The following GALNTL6 variants were observed in gnomAD, a reference collection of about 807,000 sequenced individuals.
GALNTL6 encodes the protein polypeptide N-acetylgalactosaminyltransferase-like 6.
In GALNTL6, 46 loss-of-function variants were observed where a neutral mutation model predicts 73.7. The ratio of observed to expected loss-of-function variants is 0.62; its 90% CI spans 0.49 to 0.80. GALNTL6 has a LOEUF of 0.80. Ranked by LOEUF, GALNTL6 falls within the 30% of genes least tolerant of loss-of-function variation. GALNTL6 has a pLI of 0.00. For missense variants in GALNTL6, 604 were observed against 755.0 expected, an observed-to-expected ratio of 0.80 and a Z score of 2.34; for synonymous variants, 259 against 263.7, an observed-to-expected ratio of 0.98 and a Z score of 0.17.
chr4:172,454,736 G>A (rs1019004310), intron 5 of GALNTL6, among the ~76,000 whole-genome samples: 1 of 152,202 alleles, frequency 6.6e-6, no homozygotes, highest in South Asian at 2.1e-4. Context: ...ACATCAACCT[G>A]GATGCTCAGG....
At chr4:172,710,749 A>G (rs1392966574) in intron 5 of GALNTL6, among the ~76,000 whole-genome samples, 2 of 152,170 alleles carry the variant, frequency 1.3e-5, no homozygotes, top group Admixed American at 1.3e-4. Flanking sequence ...TAAAATTATT[A>G]AATCGATAAT....
intron 11 of GALNTL6, among the ~76,000 whole-genome samples, chr4:173,009,971 C>A (rs1469912019): frequency 2.6e-5 from 4 of 152,160 alleles, no homozygotes; most frequent in African/African-American, 7.2e-5. Flanking sequence ...TGGTGTCCAT[C>A]CCCTCAAGCA....
chr4:172,325,650 T>C (rs1038326508), intron 4 of GALNTL6, among the ~76,000 whole-genome samples: 3 of 151,918 alleles, frequency 2.0e-5, no homozygotes, highest in East Asian at 1.9e-4. Flanking sequence ...AAATAATCTA[T>C]ATGGTAATAT....
chr4:171,830,346 A>T (rs1305437519), intron 2 of GALNTL6, among the ~76,000 whole-genome samples: 1 of 152,160 alleles, frequency 6.6e-6, no homozygotes, highest in Non-Finnish European at 1.5e-5. Context: ...AAGCTCATAC[A>T]ATCAGGAATT....
chr4:172,934,837 T>C (rs1013386726), intron 9 of GALNTL6, among the ~76,000 whole-genome samples: 16 of 152,236 alleles, frequency 1.1e-4, no homozygotes, highest in African/African-American at 3.1e-4. Flanking sequence ...CCAAGGAGGC[T>C]GAGTGGCAAA....
chr4:172,911,437 G>A (rs1022763150), intron 8 of GALNTL6, among the ~76,000 whole-genome samples: 12 of 152,186 alleles, frequency 7.9e-5, no homozygotes, highest in African/African-American at 2.7e-4. Flanking sequence ...AAGTCAAAGT[G>A]TAGTTGCATT....
intron 2 of GALNTL6, among the ~76,000 whole-genome samples, chr4:172,007,695 T>C (rs1740880319): frequency 2.0e-5 from 3 of 152,256 alleles, no homozygotes; most frequent in African/African-American, 7.2e-5. Context: ...CAGAGAAACA[T>C]CAACCTTATA....
intron 5 of GALNTL6, among the ~76,000 whole-genome samples, chr4:172,724,883 G>A (rs1018339118): frequency 2.0e-5 from 3 of 152,152 alleles, no homozygotes; most frequent in Non-Finnish European, 4.4e-5. Flanking sequence ...GCACCAAGAA[G>A]AAGAGCAAGA....
chr4:172,134,799 C>G (rs1196000598), intron 2 of GALNTL6, among the ~76,000 whole-genome samples: 3 of 152,124 alleles, frequency 2.0e-5, no homozygotes, highest in Non-Finnish European at 4.4e-5. Context: ...CAGAGATGGT[C>G]CTACCCAAAG....
At chr4:172,793,188 G>C (rs1236082869) in intron 5 of GALNTL6, among the ~76,000 whole-genome samples, 2 of 152,020 alleles carry the variant, frequency 1.3e-5, no homozygotes, top group African/African-American at 2.4e-5. Context: ...ACTTTGCTTG[G>C]TTTCAGTTTT....
intron 7 of GALNTL6, among the ~76,000 whole-genome samples, chr4:172,856,686 C>T (rs1183933252): frequency 2.6e-5 from 4 of 152,200 alleles, no homozygotes; most frequent in Non-Finnish European, 5.9e-5. Flanking sequence ...TAAAAGCAGG[C>T]AGGACAAGGG....
chr4:172,654,623 G>T (rs1435764706), intron 5 of GALNTL6, among the ~76,000 whole-genome samples: 6 of 152,100 alleles, frequency 3.9e-5, no homozygotes, highest in Non-Finnish European at 8.8e-5. Context: ...AAATATTCTG[G>T]TCTGCAGGCT....
At chr4:171,881,141 T>C (rs924016178) in intron 2 of GALNTL6, among the ~76,000 whole-genome samples, 12 of 152,176 alleles carry the variant, frequency 7.9e-5, no homozygotes, top group Non-Finnish European at 1.3e-4. Flanking sequence ...CCAAAGAGCC[T>C]GTAGAGATTT....
chr4:172,621,547 G>A (rs906309288), intron 5 of GALNTL6, among the ~76,000 whole-genome samples: 1 of 152,046 alleles, frequency 6.6e-6, no homozygotes, highest in Non-Finnish European at 1.5e-5. Context: ...TCAGTTTATG[G>A]CTAAAATATT....
In GALNTL6 at chr4:172,947,783, C is replaced by T. The variant is rs1195069623; in HGVS notation, c.1150-4254C>T. 3.9e-5 allele frequency among the ~76,000 whole-genome samples: 6 copies of T among 152,292 alleles called. No individual in the cohort carries two copies. In the East Asian group the frequency reaches 1.2e-3, roughly 29 times the overall value. ...GAGAAACATTGCTTTGCTCCTATTC[C>T]ACTATCTCTGTGTATGTGAATGTGT... On this transcript the variant is annotated intron_variant, in intron 9 of 12. Coordinates refer to ENST00000506823, the MANE Select transcript of GALNTL6 (RefSeq NM_001034845.3).
intron 5 of GALNTL6, among the ~76,000 whole-genome samples, chr4:172,677,081 A>G (rs1211888618): frequency 2.0e-5 from 3 of 152,210 alleles, no homozygotes; most frequent in Non-Finnish European, 4.4e-5. Flanking sequence ...GGTCTAGCTA[A>G]TCAGGTGTCC....
chr4:172,224,046 G>C (rs1449093058), intron 2 of GALNTL6, among the ~76,000 whole-genome samples: 1 of 152,080 alleles, frequency 6.6e-6, no homozygotes, highest in Admixed American at 6.6e-5. Context: ...TTTGTTTAAT[G>C]ATTTAAGGTT....
chr4:172,875,058 G>A (rs915445155), intron 7 of GALNTL6, among the ~76,000 whole-genome samples: 4 of 152,250 alleles, frequency 2.6e-5, no homozygotes, highest in Admixed American at 2.0e-4. Flanking sequence ...AGAAAAGCAC[G>A]AGCAGACTTG....
intron 5 of GALNTL6, among the ~76,000 whole-genome samples, chr4:172,456,531 C>T (rs1231293725): frequency 6.6e-6 from 1 of 151,528 alleles, no homozygotes; most frequent in Admixed American, 6.6e-5. Flanking sequence ...CTGAAAAACA[C>T]AGCACAAGAA....
Sources: allele counts gnomAD v4.1 joint callset (sites outside exome capture counted in the v4.1 genomes callset), GRCh38; gene constraint gnomAD v4.1.1; transcripts MANE v1.5; gene names NCBI Gene and HGNC (gene_info 2026-07-23, HGNC 2026-07-21).